The following ADCY2 variants were observed in gnomAD, a reference collection of about 807,000 sequenced individuals.
The protein encoded by ADCY2 is adenylate cyclase 2.
Under a neutral mutation model 125.2 loss-of-function variants are expected in ADCY2, and 31 were observed. The observed-to-expected ratio is 0.25, with a 90% CI of 0.19 to 0.33. ADCY2 has a LOEUF of 0.33. ADCY2 is among the 10% of genes least tolerant of loss of function. The pLI is 1.00. For missense variants in ADCY2, 904 were observed against 1,418.2 expected, an observed-to-expected ratio of 0.64 and a Z score of 5.82; for synonymous variants, 512 against 548.4, an observed-to-expected ratio of 0.93 and a Z score of 0.93.
chr5:7,498,239 G>GTTTTT (rs910360437), intron 2 of ADCY2, among the ~76,000 whole-genome samples: 9 of 62,114 alleles, frequency 1.4e-4, no homozygotes, highest in Non-Finnish European at 2.3e-4. Flanking sequence ...TTCTTTTTTC[G>GTTTTT]TTTTTTTTTT....
intron 2 of ADCY2, among the ~76,000 whole-genome samples, chr5:7,494,376 C>T (rs1743273074): frequency 2.6e-5 from 4 of 152,152 alleles, no homozygotes; most frequent in African/African-American, 9.6e-5. Flanking sequence ...CATGAATCTG[C>T]AGGTGCTTTG....
At chr5:7,453,805 G>A (rs962910215) in intron 2 of ADCY2, among the ~76,000 whole-genome samples, 1 of 151,988 alleles carries the variant, frequency 6.6e-6, no homozygotes, top group Non-Finnish European at 1.5e-5. Flanking sequence ...AGCATGCAGA[G>A]TGTGTTTACC....
At chr5:7,791,535 G>A (rs1744248405) in intron 20 of ADCY2, among the ~76,000 whole-genome samples, 1 of 152,024 alleles carries the variant, frequency 6.6e-6, no homozygotes, top group Non-Finnish European at 1.5e-5. Flanking sequence ...GGCCTTCCAG[G>A]GCTACACAAC....
rs1481517214 is a variant in ADCY2, at chr5:7,773,081, C to T, written c.2364C>T (p.Tyr788=). ...CCCACGCCCACGTCCTGGGCGACTA[C>T]AGCCAGGTCTTATTTGAGAGGTGAG... ...LHTHAHVLGD[Y]SQVLFERPGI... Residue 788 remains tyrosine (Y), a synonymous_variant, in exon 18 of 25, where the codon TAC becomes TAT. Coordinates refer to ENST00000338316, the MANE Select transcript of ADCY2 (RefSeq NM_020546.3). The T allele has an allele frequency of 1.2e-6, 2 of 1,614,076 alleles. No individual in the cohort carries two copies. Among genetic ancestry groups the T allele is most frequent in the African/African-American group, 1.3e-5 (1 of 75,074 alleles).
intron 4 of ADCY2, among the ~76,000 whole-genome samples, chr5:7,653,335 G>A (rs1199011782): frequency 1.3e-5 from 2 of 152,208 alleles, no homozygotes; most frequent in African/African-American, 4.8e-5. Flanking sequence ...CTTTGAAGAT[G>A]TAAAAAGTCA....
intron 3 of ADCY2, among the ~76,000 whole-genome samples, chr5:7,613,598 T>TGTGCAAAGTTTTTCTTGGC (rs1456479378): frequency 6.6e-6 from 1 of 152,236 alleles, no homozygotes. Context: ...TGAGCTTTGG[T>TGTGCAAAGTTTTTCTTGGC]GTGCAAAGTT....
chr5:7,685,379 G>C (rs1740485659), intron 4 of ADCY2: 1 of 152,218 alleles, frequency 6.6e-6, no homozygotes, highest in African/African-American at 2.4e-5. Context: ...CTATTGTCCA[G>C]ATGACCAAGC....
At chr5:7,540,028 C>T (rs981419647) in intron 3 of ADCY2, among the ~76,000 whole-genome samples, 9 of 152,156 alleles carry the variant, frequency 5.9e-5, no homozygotes, top group South Asian at 4.1e-4. Flanking sequence ...ATATACTCCT[C>T]GCAACATGGA....
In ADCY2 at chr5:7,802,299, G is replaced by C. The variant is rs952878451; in HGVS notation, c.2710G>C (p.Asp904His). 1.2e-6 allele frequency: 2 copies of C among 1,614,026 alleles called. No individual in the cohort carries two copies. The highest frequency in any genetic ancestry group is 1.7e-6 in the Non-Finnish European group (2 of 1,180,022). Residue 904 changes from aspartate to histidine, a missense_variant, in exon 21 of 25, where the codon GAC becomes CAC. This residue lies in a region of ADCY2 where 181 missense variants were observed against 381.6 expected (regional missense o/e 0.47). Coordinates refer to ENST00000338316, the MANE Select transcript of ADCY2 (RefSeq NM_020546.3). The surrounding 1 kb of genome is among the most constrained non-coding windows in gnomAD (Gnocchi z 4.6). The part of the protein sequence containing the change: ...PDFKEFYTES[D>H]VNKEGLECLR... Reference sequence around the variant, plus strand: ...TTTCAAAGAATTTTATACAGAATCCGACGTGAACAAGGAGGGCTTGGAATG... The same window carrying C: ...TTTCAAAGAATTTTATACAGAATCCCACGTGAACAAGGAGGGCTTGGAATG...
intron 1 of ADCY2, among the ~76,000 whole-genome samples, chr5:7,407,985 C>T (rs1411885407): frequency 1.3e-5 from 2 of 151,384 alleles, no homozygotes; most frequent in Admixed American, 1.3e-4. Context: ...TCTTGTGCCT[C>T]AGCCTCCCGA....
chr5:7,717,993 G>C (rs756949478), intron 12 of ADCY2, among the ~76,000 whole-genome samples: 2 of 152,094 alleles, frequency 1.3e-5, no homozygotes, highest in Non-Finnish European at 2.9e-5. Context: ...TCACAGAAAA[G>C]CTTCCATCCT....
At chr5:7,578,486 G>T (rs1276687411) in intron 3 of ADCY2, among the ~76,000 whole-genome samples, 1 of 152,290 alleles carries the variant, frequency 6.6e-6, no homozygotes, top group Non-Finnish European at 1.5e-5. Context: ...ATTTTTAAAA[G>T]AGAAATTATT....
intron 17 of ADCY2, among the ~76,000 whole-genome samples, chr5:7,770,157 A>G (rs1254002138): frequency 5.3e-5 from 8 of 152,226 alleles, no homozygotes; most frequent in African/African-American, 1.9e-4. Context: ...TATGCTTCCC[A>G]TTACCATACA....
chr5:7,482,535 A>G (rs1742768942), intron 2 of ADCY2, among the ~76,000 whole-genome samples: 1 of 152,018 alleles, frequency 6.6e-6, no homozygotes, highest in South Asian at 2.1e-4. Context: ...TGTACTGTTG[A>G]TGTAAATTAG....
At chr5:7,526,373 G>C (rs1251908886) in intron 3 of ADCY2, among the ~76,000 whole-genome samples, 1 of 152,200 alleles carries the variant, frequency 6.6e-6, no homozygotes, top group Non-Finnish European at 1.5e-5. Context: ...AATGCAGGTA[G>C]AGAGAAGGAT....
rs796110372 is a variant in ADCY2 at position 7,446,027 on chromosome 5, C to T, written c.408+31257C>T. 9.2e-5 allele frequency among the ~76,000 whole-genome samples: 14 copies of T among 152,202 alleles called. No individual in the cohort carries two copies. In the South Asian group the frequency reaches 1.9e-3, roughly 20 times the overall value. On this transcript the variant is annotated intron_variant, in intron 2 of 24. Coordinates refer to ENST00000338316, the MANE Select transcript of ADCY2 (RefSeq NM_020546.3). Reference sequence around the variant, plus strand: ...CCATTACCATGTTTAATAATAGTGGCGACAGTTGGCATCTGTGCAGTTTTT... The same window carrying T: ...CCATTACCATGTTTAATAATAGTGGTGACAGTTGGCATCTGTGCAGTTTTT...
intron 7 of ADCY2, 84 bp from the exon 8 acceptor site, chr5:7,706,660 T>C: frequency 2.0e-6 from 3 of 1,502,006 alleles, no homozygotes; most frequent in South Asian, 2.4e-5. Flanking sequence ...AAATTCTGAA[T>C]AATAAAATAC....
At chr5:7,663,432 G>C (rs1739605648) in intron 4 of ADCY2, among the ~76,000 whole-genome samples, 1 of 152,268 alleles carries the variant, frequency 6.6e-6, no homozygotes, top group African/African-American at 2.4e-5. Context: ...CCTCCCACGG[G>C]GGGGCCTGGA....
intron 2 of ADCY2, among the ~76,000 whole-genome samples, chr5:7,418,017 T>C (rs1427978204): frequency 1.3e-5 from 2 of 152,200 alleles, no homozygotes; most frequent in Non-Finnish European, 2.9e-5. Context: ...ATGTATTTTG[T>C]TTTTTTGACA....
Sources: allele counts gnomAD v4.1 joint callset (sites outside exome capture counted in the v4.1 genomes callset), GRCh38; gene constraint gnomAD v4.1.1; regional missense constraint gnomAD v4.1.1; non-coding constraint Gnocchi (gnomAD v3.1); transcripts MANE v1.5; gene names NCBI Gene and HGNC (gene_info 2026-07-23, HGNC 2026-07-21).